LDLRAD3: variants seen among roughly 807,000 people sequenced by gnomAD.
LDLRAD3 encodes low-density lipoprotein receptor class A domain-containing protein 3.
A neutral mutation model predicts 29.4 loss-of-function variants in LDLRAD3; 20 were observed. That is an observed-to-expected ratio of 0.68 (90% CI 0.48 to 0.99). LDLRAD3 has a LOEUF of 0.99. LDLRAD3 is among the 50% of genes least tolerant of loss of function. The pLI is 0.00. For missense variants in LDLRAD3, 420 were observed against 454.3 expected, an observed-to-expected ratio of 0.92 and a Z score of 0.69; for synonymous variants, 157 against 192.7, an observed-to-expected ratio of 0.81 and a Z score of 1.53.
At chr11:36,045,929 G>A (rs1412050424) in intron 2 of LDLRAD3, among the ~76,000 whole-genome samples, 1 of 152,010 alleles carries the variant, frequency 6.6e-6, no homozygotes, top group South Asian at 2.1e-4. Context: ...AGACCCGCGT[G>A]CATTAGGTAT....
At chr11:36,123,081 G>A (rs1394736717) in intron 4 of LDLRAD3, among the ~76,000 whole-genome samples, 1 of 152,098 alleles carries the variant, frequency 6.6e-6, no homozygotes, top group Non-Finnish European at 1.5e-5. Flanking sequence ...CGACTGCTTG[G>A]GAGGTTGAGG....
intron 4 of LDLRAD3, among the ~76,000 whole-genome samples, chr11:36,100,269 G>A (rs971804536): frequency 6.6e-6 from 1 of 152,142 alleles, no homozygotes; most frequent in Admixed American, 6.5e-5. Context: ...CCAAACTTCT[G>A]ACTGAACGCA....
intron 1 of LDLRAD3, among the ~76,000 whole-genome samples, chr11:35,989,442 G>A (rs997482831): frequency 6.6e-6 from 1 of 152,150 alleles, no homozygotes; most frequent in Non-Finnish European, 1.5e-5. Context: ...GATTAGCATT[G>A]AATCTGTAGA....
At chr11:35,975,935 A>G (rs909228280) in intron 1 of LDLRAD3, among the ~76,000 whole-genome samples, 2 of 151,354 alleles carry the variant, frequency 1.3e-5, no homozygotes, top group Admixed American at 1.3e-4. Flanking sequence ...AGGTGAGTAG[A>G]GCATTGTGTG....
chr11:35,972,640 A>C (rs765886404), intron 1 of LDLRAD3: 19 of 152,176 alleles, frequency 1.2e-4, no homozygotes, highest in Non-Finnish European at 2.8e-4. Flanking sequence ...GTCTGAATTT[A>C]ATTTCTTTGC....
chr11:36,037,500 A>G (rs1349095242), intron 2 of LDLRAD3, among the ~76,000 whole-genome samples: 1 of 152,088 alleles, frequency 6.6e-6, no homozygotes, highest in Non-Finnish European at 1.5e-5. Context: ...TTTTTATTAG[A>G]GACGGGGTTT....
At chr11:36,114,303 A>T (rs779967949) in intron 4 of LDLRAD3, among the ~76,000 whole-genome samples, 7 of 152,170 alleles carry the variant, frequency 4.6e-5, no homozygotes, top group Admixed American at 1.3e-4. Flanking sequence ...GAGCTGCAAC[A>T]CTGTGCGGTG....
rs186489556 is a variant in LDLRAD3 at position 36,154,778 on chromosome 11, G to A, written c.454+56317G>A. 5.9e-5 allele frequency among the ~76,000 whole-genome samples: 9 copies of A among 152,256 alleles called. 1 individual carries two copies. The East Asian group carries it at 1.7e-3, about 29-fold the overall frequency. Reference sequence around the variant, plus strand: ...GAACTTATGTCAGAGGGACATCCATGTGCATCCTAATGACAGCCTCATTTG... The same window carrying A: ...GAACTTATGTCAGAGGGACATCCATATGCATCCTAATGACAGCCTCATTTG... On this transcript the variant is annotated intron_variant, in intron 4 of 5. Coordinates refer to ENST00000315571, the MANE Select transcript of LDLRAD3 (RefSeq NM_174902.4).
chr11:35,969,375 C>G (rs1590693760), intron 1 of LDLRAD3, among the ~76,000 whole-genome samples: 1 of 152,306 alleles, frequency 6.6e-6, no homozygotes, highest in East Asian at 1.9e-4. Context: ...TCCCAAGCCA[C>G]TTAACTTCCT....
intron 4 of LDLRAD3, among the ~76,000 whole-genome samples, chr11:36,131,214 T>G (rs558545357): frequency 6.6e-6 from 1 of 152,356 alleles, no homozygotes; most frequent in South Asian, 2.1e-4. Flanking sequence ...CAGTAATCTG[T>G]GCTTAAACGA....
chr11:36,089,222 G>A (rs943310084), intron 3 of LDLRAD3, among the ~76,000 whole-genome samples: 3 of 152,130 alleles, frequency 2.0e-5, no homozygotes, highest in Admixed American at 6.5e-5. Context: ...TGTATGGCCT[G>A]TTTCTACATG....
chr11:35,954,829 A>G (rs1851181803), intron 1 of LDLRAD3, among the ~76,000 whole-genome samples: 2 of 152,256 alleles, frequency 1.3e-5, no homozygotes, highest in South Asian at 4.1e-4. Context: ...AGCATGTGAC[A>G]TATCAAAAGG....
intron 1 of LDLRAD3, among the ~76,000 whole-genome samples, chr11:35,949,022 GTGCATCATTAC>G (rs1851097695): frequency 4.0e-5 from 6 of 151,724 alleles, no homozygotes; most frequent in Admixed American, 2.0e-4. Flanking sequence ...CATCATTACT[GTGCATCATTAC>G]TGTGCATCAT....
At chr11:36,013,496 C>T (rs902426048) in intron 1 of LDLRAD3, among the ~76,000 whole-genome samples, 2 of 147,456 alleles carry the variant, frequency 1.4e-5, no homozygotes, top group African/African-American at 5.0e-5. Flanking sequence ...TGTGATATTC[C>T]CTTCCCTGTG....
At position 36,098,328 on chromosome 11, in the gene LDLRAD3, A is replaced by C. The variant is rs574403233; in HGVS notation, c.321A>C (p.Thr107=). 1 of 1,613,826 alleles carries C rather than the reference A, an allele frequency of 6.2e-7. No individual in the cohort carries two copies. Among genetic ancestry groups the C allele is most frequent in the African/African-American group, 1.3e-5 (1 of 74,944 alleles). ...ATGTGCTGTGTTTTCCCTCTGCAGC[A>C]GCAAACCCTCTGCTTTGCTCCACCG... is the stretch of plus-strand genomic sequence containing the variant. The part of the protein sequence containing the change: ...CPDGSDEENC[T]ANPLLCSTAR... Residue 107 remains threonine, a splice_region_variant and synonymous_variant, in exon 4 of 6, where the codon ACA becomes ACC. Coordinates refer to ENST00000315571, the MANE Select transcript of LDLRAD3 (RefSeq NM_174902.4).
intron 4 of LDLRAD3, among the ~76,000 whole-genome samples, chr11:36,122,739 C>T: frequency 6.6e-6 from 1 of 152,030 alleles, no homozygotes; most frequent in Non-Finnish European, 1.5e-5. Context: ...CATGGTACTG[C>T]CTGGTGTGAT....
chr11:35,947,938 C>T (rs1216912676), intron 1 of LDLRAD3, among the ~76,000 whole-genome samples: 1 of 152,200 alleles, frequency 6.6e-6, no homozygotes, highest in Non-Finnish European at 1.5e-5. Context: ...GAGACATCAG[C>T]TTTCTTTGCA....
chr11:36,048,577 A>G (rs780466143), intron 2 of LDLRAD3, among the ~76,000 whole-genome samples: 11 of 152,202 alleles, frequency 7.2e-5, no homozygotes, highest in Non-Finnish European at 1.5e-4. Flanking sequence ...CTCCCAGGAG[A>G]AGAGTGACTG....
chr11:36,083,807 A>G (rs1168926058), intron 3 of LDLRAD3, among the ~76,000 whole-genome samples: 2 of 151,986 alleles, frequency 1.3e-5, no homozygotes, highest in Non-Finnish European at 2.9e-5. Context: ...TGGCAATAAA[A>G]TGCAAGTATG....
Sources: allele counts gnomAD v4.1 joint callset (sites outside exome capture counted in the v4.1 genomes callset), GRCh38; gene constraint gnomAD v4.1.1; transcripts MANE v1.5; gene names NCBI Gene and HGNC (gene_info 2026-07-23, HGNC 2026-07-21).